FOXO3: variants seen among roughly 807,000 people sequenced by gnomAD.
The protein encoded by FOXO3 is forkhead box protein O3.
Under a neutral mutation model 41.9 loss-of-function variants are expected in FOXO3, and 4 were observed. The observed-to-expected ratio is 0.10, with a 90% CI of 0.05 to 0.22. The LOEUF is 0.22. FOXO3 is among the 10% of genes least tolerant of loss of function. FOXO3 has a pLI of 1.00. For missense variants in FOXO3, 534 were observed against 906.8 expected, an observed-to-expected ratio of 0.59 and a Z score of 5.28; for synonymous variants, 318 against 389.3, an observed-to-expected ratio of 0.82 and a Z score of 2.16.
At chr6:108,625,485 A>G (rs1394262867) in intron 1 of FOXO3, among the ~76,000 whole-genome samples, 1 of 152,230 alleles carries the variant, frequency 6.6e-6, no homozygotes, top group East Asian at 1.9e-4. Flanking sequence ...CATATAAGAT[A>G]CCTATTTTCA....
intron 1 of FOXO3, among the ~76,000 whole-genome samples, chr6:108,657,088 C>T (rs1778708507): frequency 6.6e-6 from 1 of 152,194 alleles, no homozygotes. Flanking sequence ...TTAACTACAC[C>T]TAACGGGTTT....
intron 1 of FOXO3, among the ~76,000 whole-genome samples, chr6:108,607,764 A>C (rs1021724215): frequency 1.2e-4 from 19 of 152,164 alleles, no homozygotes; most frequent in Admixed American, 4.6e-4. Flanking sequence ...TTCAGATGCT[A>C]AGGACAAAAT....
intron 1 of FOXO3, among the ~76,000 whole-genome samples, chr6:108,586,024 A>G (rs909432924): frequency 6.6e-6 from 1 of 152,196 alleles, no homozygotes; most frequent in East Asian, 1.9e-4. Context: ...TGCCTCTGAA[A>G]TAGACACAGA....
chr6:108,635,140 A>C (rs1778088095), intron 1 of FOXO3, among the ~76,000 whole-genome samples: 5 of 152,052 alleles, frequency 3.3e-5, no homozygotes, highest in South Asian at 2.1e-4. Flanking sequence ...ATCTCTACTA[A>C]AAATACAAAA....
intron 2 of FOXO3, among the ~76,000 whole-genome samples, chr6:108,670,079 G>A (rs1779173474): frequency 6.6e-6 from 1 of 152,196 alleles, no homozygotes; most frequent in Non-Finnish European, 1.5e-5. Context: ...TCTATATGGA[G>A]ATGGGAGAAG....
At chr6:108,597,960 C>CTA (rs1776934076) in intron 1 of FOXO3, among the ~76,000 whole-genome samples, 1 of 152,108 alleles carries the variant, frequency 6.6e-6, no homozygotes, top group South Asian at 2.1e-4. Context: ...TCTGTTGAAG[C>CTA]TATATATATT....
chr6:108,565,519 G>A (rs755545241), intron 1 of FOXO3, among the ~76,000 whole-genome samples: 4 of 152,156 alleles, frequency 2.6e-5, no homozygotes, highest in Non-Finnish European at 5.9e-5. Context: ...CACTTATTTC[G>A]TTATACACAG....
chr6:108,660,943 C>T (rs978008836), intron 1 of FOXO3, among the ~76,000 whole-genome samples: 9 of 152,140 alleles, frequency 5.9e-5, no homozygotes, highest in African/African-American at 1.9e-4. Flanking sequence ...GCCTGTAGTC[C>T]TAGCTACTCG....
chr6:108,644,770 G>A (rs1778350356), intron 1 of FOXO3, among the ~76,000 whole-genome samples: 2 of 152,092 alleles, frequency 1.3e-5, no homozygotes, highest in South Asian at 4.1e-4. Flanking sequence ...AGTCTTTCCT[G>A]ACTTTCCAGT....
At chr6:108,675,657 G>A (rs1770558918) in intron 2 of FOXO3, among the ~76,000 whole-genome samples, 1 of 152,148 alleles carries the variant, frequency 6.6e-6, no homozygotes, top group Non-Finnish European at 1.5e-5. Flanking sequence ...GGAAAGTGGT[G>A]TTTCACTTTA....
At chr6:108,662,326 C>T (rs1018951622) in intron 1 of FOXO3, among the ~76,000 whole-genome samples, 3 of 152,126 alleles carry the variant, frequency 2.0e-5, no homozygotes, top group Non-Finnish European at 4.4e-5. Context: ...ATATTGACCC[C>T]GATCACCTAC....
rs1385657204 is a variant in FOXO3, at chr6:108,561,623, G to A, written c.415G>A (p.Gly139Arg). ...PQQPLPPPQP[G>R]AAGGSGQPRK... The stretch of plus-strand genomic sequence containing the variant: ...GCAACCGCTGCCACCGCCGCAGCCG[G>A]GGGCGGCTGGGGGCTCCGGGCAGCC... Residue 139 changes from glycine (G) to arginine (R), a missense_variant, in exon 1 of 3, where the codon GGG becomes AGG. Around this residue, in one of 8 missense-constraint regions of FOXO3, gnomAD observed 139 missense variants for 163.7 expected, o/e 0.85. Transcript: ENST00000406360. 1 of 1,552,912 alleles carries A rather than the reference G, an allele frequency of 6.4e-7. No homozygotes were observed. The highest frequency in any genetic ancestry group is 8.7e-7 in the Non-Finnish European group (1 of 1,149,590).
intron 1 of FOXO3, among the ~76,000 whole-genome samples, chr6:108,585,164 C>T (rs565899596): frequency 8.2e-4 from 124 of 151,784 alleles, no homozygotes; most frequent in Admixed American, 1.3e-3. Context: ...GCCTCAGCCT[C>T]CCGAGTAGCT....
intron 2 of FOXO3, among the ~76,000 whole-genome samples, chr6:108,671,591 T>C (rs1261889224): frequency 4.6e-5 from 7 of 152,260 alleles, no homozygotes; most frequent in African/African-American, 1.7e-4. Flanking sequence ...ACCTCTGATA[T>C]GGGCTAATGT....
intron 1 of FOXO3, among the ~76,000 whole-genome samples, chr6:108,597,539 A>G (rs1403117967): frequency 1.3e-5 from 2 of 152,166 alleles, no homozygotes; most frequent in South Asian, 2.1e-4. Flanking sequence ...GATAATGACT[A>G]TGTGAAATTA....
intron 2 of FOXO3, among the ~76,000 whole-genome samples, chr6:108,670,627 A>C (rs1261296633): frequency 6.6e-6 from 1 of 152,180 alleles, no homozygotes; most frequent in Non-Finnish European, 1.5e-5. Context: ...TATGTTATGC[A>C]GTGTTTCCTA....
chr6:108,597,456 A>G (rs1246678478), intron 1 of FOXO3, among the ~76,000 whole-genome samples: 2 of 152,174 alleles, frequency 1.3e-5, no homozygotes, highest in East Asian at 3.8e-4. Flanking sequence ...TATTAAACAG[A>G]ATGATTGTGC....
chr6:108,684,251 TGAA>T lies in FOXO3; in HGVS notation c.*4461_*4463del, dbSNP rs1313715304. 1.2e-4 allele frequency: 18 copies of T among 152,592 alleles called. No individual in the cohort carries two copies. Among genetic ancestry groups the T allele is most frequent in the African/African-American group, 4.1e-4 (17 of 41,438 alleles). 9.5% of individuals were successfully genotyped at this position (152,592 alleles called of 1,614,324 possible). A position where few individuals can be genotyped will look rare whatever the true frequency, so the allele number is the denominator to read the frequency against. On this transcript the variant is annotated 3_prime_UTR_variant, in exon 3 of 3. Coordinates refer to ENST00000406360, the MANE Select transcript of FOXO3 (RefSeq NM_001455.4). ...TGTACATGGGAAATGTAAACAAATG[TGAA>T]GGAGGACCAGAAAAATTAGTTAATA...
intron 1 of FOXO3, among the ~76,000 whole-genome samples, chr6:108,588,814 G>A (rs565533794): frequency 1.3e-5 from 2 of 152,304 alleles, no homozygotes; most frequent in Admixed American, 6.5e-5. Flanking sequence ...GCTTTAGCAT[G>A]CTTTCTGCTG....
Sources: gnomAD v4.1 joint callset for allele counts (sites outside exome capture counted in the v4.1 genomes callset) on GRCh38, gnomAD v4.1.1 for gene constraint, gnomAD v4.1.1 regional missense constraint, MANE v1.5 for transcripts, NCBI Gene and HGNC (gene_info 2026-07-23, HGNC 2026-07-21) for gene names.